ECE1: variants seen among roughly 807,000 people sequenced by gnomAD.
ECE1 encodes endothelin converting enzyme 1, also known as endothelin-converting enzyme 1.
Under a neutral mutation model 98.6 loss-of-function variants are expected in ECE1, and 35 were observed. The ratio of observed to expected loss-of-function variants is 0.35; its 90% CI spans 0.27 to 0.47. ECE1 has a LOEUF of 0.47. Among genes scored for constraint, ECE1 ranks in the 20% least tolerant of loss-of-function variants. The pLI, the probability that ECE1 is intolerant of heterozygous loss-of-function variation, is 1.00. For synonymous variants in ECE1, 394 were observed against 407.1 expected (o/e 0.97, Z 0.39); for missense variants, 814 against 1,025.3 (o/e 0.79, Z 2.81).
At chr1:21,282,352 G>A (rs2098255562) in intron 2 of ECE1, among the ~76,000 whole-genome samples, 1 of 151,520 alleles carries the variant, frequency 6.6e-6, no homozygotes, top group Non-Finnish European at 1.5e-5. Flanking sequence ...CCTTGGGAGG[G>A]TGAGGTGGGC....
At chr1:21,282,363 G>A (rs529468464) in intron 2 of ECE1, among the ~76,000 whole-genome samples, 6 of 151,568 alleles carry the variant, frequency 4.0e-5, no homozygotes, top group Admixed American at 3.3e-4. Flanking sequence ...TGAGGTGGGC[G>A]GATCACCTGA....
chr1:21,256,981 G>C (rs969584372), intron 7 of ECE1, among the ~76,000 whole-genome samples: 5 of 152,154 alleles, frequency 3.3e-5, no homozygotes, highest in Admixed American at 2.6e-4. Context: ...ACAGATGAAT[G>C]AGTTCCAGGT....
chr1:21,260,252 G>A lies in ECE1; in HGVS notation c.615+19C>T. On this transcript the variant is annotated intron_variant, in intron 5 of 18. Transcript: ENST00000374893. This position sits in a 1 kb window ranked among gnomAD's most constrained non-coding sequence, Gnocchi z 4.3. Reference sequence around the variant, plus strand: ...TGGCATGGGCCGGGGCTTGGGGAGGGAGAGCCCGAGGCACTCACCCTCTCA... The same window carrying A: ...TGGCATGGGCCGGGGCTTGGGGAGGAAGAGCCCGAGGCACTCACCCTCTCA... 1 of 1,614,206 alleles carries A rather than the reference G, an allele frequency of 6.2e-7. No homozygotes were observed. Among genetic ancestry groups the A allele is most frequent in the South Asian group, 1.1e-5 (1 of 91,090 alleles).
In ECE1 at chr1:21,340,134, G is replaced by C. The variant is rs1639373961; in HGVS notation, c.3+5242C>G. 2.0e-5 allele frequency among the ~76,000 whole-genome samples: 3 copies of C among 152,266 alleles called. No individual in the cohort carries two copies. Among genetic ancestry groups the C allele is most frequent in the African/African-American group, 7.2e-5 (3 of 41,466 alleles). On this transcript the variant is annotated intron_variant, in intron 1 of 18. Coordinates refer to the ECE1 transcript ENST00000415912. This position sits in a 1 kb window ranked among gnomAD's most constrained non-coding sequence, Gnocchi z 4.6. Reference sequence around the variant, plus strand: ...CTATGGGCAGGATGACTCTGGAGCTGCATCCCCAGGTTGGCACATAGCATT... The same window carrying C: ...CTATGGGCAGGATGACTCTGGAGCTCCATCCCCAGGTTGGCACATAGCATT...
intron 1 of ECE1, among the ~76,000 whole-genome samples, chr1:21,333,285 C>A (rs1639241699): frequency 6.6e-6 from 1 of 151,606 alleles, no homozygotes; most frequent in African/African-American, 2.4e-5. Flanking sequence ...CCTCCCCCAC[C>A]CCTATTTGGG....
intron 14 of ECE1, among the ~76,000 whole-genome samples, chr1:21,230,576 T>C (rs1052642227): frequency 6.6e-6 from 1 of 152,014 alleles, no homozygotes; most frequent in African/African-American, 2.4e-5. Context: ...TTAGTAGAGA[T>C]GGGGTTTCAC....
In ECE1 at chr1:21,277,050, G is replaced by A. The variant is rs3026864; in HGVS notation, c.280+2141C>T. ...CTTTGACTGGCCTGATGTTTGCTCAGATGTGGCCAGCACCAGCACCTGCTC... is the reference window on the plus strand; with the variant it reads ...CTTTGACTGGCCTGATGTTTGCTCAAATGTGGCCAGCACCAGCACCTGCTC... On this transcript the variant is annotated intron_variant, in intron 3 of 18. Transcript: ENST00000374893. Among the ~76,000 whole-genome samples, 1,374 of 152,284 alleles carry A rather than the reference G, an allele frequency of 9.0e-3. 18 individuals carry two copies. Among genetic ancestry groups the A allele is most frequent in the African/African-American group, 0.021 (873 of 41,544 alleles).
At chr1:21,309,933 A>G (rs1012881038) in intron 1 of ECE1, among the ~76,000 whole-genome samples, 1 of 151,986 alleles carries the variant, frequency 6.6e-6, no homozygotes, top group African/African-American at 2.4e-5. Context: ...GTGGGACTAC[A>G]GGCGCCCGCC....
chr1:21,305,877 T>G (rs1383464977), intron 1 of ECE1, among the ~76,000 whole-genome samples: 1 of 152,132 alleles, frequency 6.6e-6, no homozygotes, highest in Non-Finnish European at 1.5e-5. Flanking sequence ...GGGAGCCACC[T>G]CGATCCCCAG....
At chr1:21,309,831 G>T (rs1231619170) in intron 1 of ECE1, among the ~76,000 whole-genome samples, 1 of 135,254 alleles carries the variant, frequency 7.4e-6, no homozygotes, top group Non-Finnish European at 1.5e-5. Context: ...TCGCTCTGTC[G>T]CCCAGGCTAG....
intron 8 of ECE1, among the ~76,000 whole-genome samples, chr1:21,254,273 T>C (rs1156841004): frequency 6.6e-6 from 1 of 151,906 alleles, no homozygotes; most frequent in African/African-American, 2.4e-5. Flanking sequence ...AAGATCTTAA[T>C]TGAACTTTGG....
At chr1:21,288,309 C>A (rs189763698) in intron 2 of ECE1, among the ~76,000 whole-genome samples, 1 of 152,360 alleles carries the variant, frequency 6.6e-6, no homozygotes, top group African/African-American at 2.4e-5. Context: ...GCCCTTACTT[C>A]ATGGGTCATA....
chr1:21,326,224 G>A (rs1296762545), intron 1 of ECE1, among the ~76,000 whole-genome samples: 2 of 152,168 alleles, frequency 1.3e-5, no homozygotes, highest in African/African-American at 4.8e-5. Flanking sequence ...ATGCGGGGGA[G>A]GGTGGGGAGG....
Position 21,308,239 on chromosome 1 carries a change from C to T in ECE1, c.4-18083G>A, listed in dbSNP as rs369685503. 7.9e-5 allele frequency among the ~76,000 whole-genome samples: 12 copies of T among 152,334 alleles called. No individual in the cohort carries two copies. In the East Asian group the frequency reaches 2.3e-3, roughly 29 times the overall value. On this transcript the variant is annotated intron_variant, in intron 1 of 18. Coordinates refer to the ECE1 transcript ENST00000415912. ...TCCCTTTGCCCCAGCTTTAGTTTAA[C>T]AAGCATTTGTGCATGCTCTGGAGAT... is the stretch of plus-strand genomic sequence containing the variant.
At position 21,235,499 on chromosome 1, in the gene ECE1, C is replaced by T. The variant is rs2098186860; in HGVS notation, c.1566+351G>A. On this transcript the variant is annotated intron_variant, in intron 13 of 18. Transcript: ENST00000374893. This position sits in a 1 kb window ranked among gnomAD's most constrained non-coding sequence, Gnocchi z 4.2. ...ATACCCCACCCCTGATGTCTGAGGG[C>T]CACCAATTCTCTCTGCACCTTCTGG... 6.6e-6 allele frequency among the ~76,000 whole-genome samples: 1 copy of T among 152,172 alleles called. No individual in the cohort carries two copies.
At chr1:21,239,213 C>T (rs960101954) in intron 10 of ECE1, among the ~76,000 whole-genome samples, 1 of 152,144 alleles carries the variant, frequency 6.6e-6, no homozygotes, top group South Asian at 2.1e-4. Flanking sequence ...TCTGTGCAAA[C>T]CGGAAATAGG....
chr1:21,338,803 G>A (rs1639348564), intron 1 of ECE1, among the ~76,000 whole-genome samples: 1 of 152,250 alleles, frequency 6.6e-6, no homozygotes, highest in Non-Finnish European at 1.5e-5. Context: ...GCAGCTGGAG[G>A]GAGTCAGGCA....
At chr1:21,320,735 C>G (rs963272608) in intron 1 of ECE1, among the ~76,000 whole-genome samples, 1 of 152,356 alleles carries the variant, frequency 6.6e-6, no homozygotes, top group East Asian at 1.9e-4. Flanking sequence ...CTATAGGGGC[C>G]GCAGCCTCAT....
At chr1:21,336,630 T>C (rs1410661375) in intron 1 of ECE1, among the ~76,000 whole-genome samples, 1 of 152,058 alleles carries the variant, frequency 6.6e-6, no homozygotes, top group African/African-American at 2.4e-5. Context: ...GATCACGAGG[T>C]CAGGAGATTG....
Sources: allele counts gnomAD v4.1 joint callset (sites outside exome capture counted in the v4.1 genomes callset), GRCh38; gene constraint gnomAD v4.1.1; non-coding constraint Gnocchi (gnomAD v3.1); transcripts MANE v1.5; gene names NCBI Gene and HGNC (gene_info 2026-07-23, HGNC 2026-07-21).